Variants in DNAAF4 observed in about 807,000 individuals in gnomAD.
DNAAF4 encodes dynein axonemal assembly factor 4.
Under a neutral mutation model 51.8 loss-of-function variants are expected in DNAAF4, and 43 were observed. The observed-to-expected ratio is 0.83, with a 90% CI of 0.65 to 1.07. DNAAF4 has a LOEUF of 1.07. Ranked by LOEUF, DNAAF4 falls within the 50% of genes least tolerant of loss-of-function variation. The pLI, the probability that DNAAF4 is intolerant of heterozygous loss-of-function variation, is 0.00. For missense variants in DNAAF4, 581 were observed against 493.0 expected (o/e 1.18, Z -1.69); for synonymous variants, 194 against 165.6 (o/e 1.17, Z -1.32).
intron 6 of DNAAF4, among the ~76,000 whole-genome samples, chr15:55,441,240 T>A (rs2057706889): frequency 6.8e-6 from 1 of 147,794 alleles, no homozygotes; most frequent in Non-Finnish European, 1.5e-5. Context: ...CCCGGCCAGT[T>A]TTTGTATTTT....
downstream of DNAAF4, among the ~76,000 whole-genome samples, chr15:55,428,779 G>C (rs1457838767): frequency 1.3e-5 from 2 of 151,570 alleles, no homozygotes; most frequent in African/African-American, 2.4e-5. Flanking sequence ...ACAGGCTTGA[G>C]CCACTGCGCC....
At chr15:55,429,860 A>G (rs1344427552), downstream of DNAAF4, among the ~76,000 whole-genome samples, 1 of 151,992 alleles carries the variant, frequency 6.6e-6, no homozygotes, top group East Asian at 1.9e-4. Flanking sequence ...TTAGAGAATT[A>G]CAGTAACTAC....
intron 8 of DNAAF4, 120 bp downstream of exon 8, chr15:55,434,785 G>A (rs2057581434): frequency 1.9e-5 from 17 of 914,990 alleles, no homozygotes; most frequent in South Asian, 1.5e-4. Flanking sequence ...CAATAAGAAA[G>A]ACAATCTTTA....
At chr15:55,467,544 TACACACACACAC>T (rs59329424) in intron 4 of DNAAF4, among the ~76,000 whole-genome samples, 1 of 150,186 alleles carries the variant, frequency 6.7e-6, no homozygotes, top group African/African-American at 2.4e-5. Context: ...TCTCAAAATC[TACACACACACAC>T]ACACACACAC....
intron 5 of DNAAF4, among the ~76,000 whole-genome samples, chr15:55,464,225 T>C (rs1014986902): frequency 1.3e-5 from 2 of 152,102 alleles, no homozygotes; most frequent in African/African-American, 4.8e-5. Flanking sequence ...ATTCAACAAA[T>C]GGTGCTGGGA....
chr15:55,422,907 G>A (rs948655803), intron 7 of DNAAF4, among the ~76,000 whole-genome samples: 2 of 152,058 alleles, frequency 1.3e-5, no homozygotes, highest in East Asian at 1.9e-4. Flanking sequence ...TGAGGCAGGA[G>A]AATCGCTTGA....
rs760617628 is a variant in DNAAF4 at position 55,492,353 on chromosome 15, G to A, written c.272-1097C>T. Among the ~76,000 whole-genome samples the A allele has an allele frequency of 2.0e-5, 3 of 151,718 alleles. No individual in the cohort carries two copies. In the East Asian group the frequency reaches 5.8e-4, roughly 29 times the overall value. The stretch of plus-strand genomic sequence containing the variant: ...AGTAGGGGAGAGTAGATAAGGGGTG[G>A]GTAGAGGGATGAATCATACCCCAGG... On this transcript the variant is annotated intron_variant, in intron 3 of 9. Coordinates refer to ENST00000321149, the MANE Select transcript of DNAAF4 (RefSeq NM_130810.4).
At chr15:55,437,908 G>C (rs1320398964) in intron 7 of DNAAF4, among the ~76,000 whole-genome samples, 1 of 152,144 alleles carries the variant, frequency 6.6e-6, no homozygotes, top group Non-Finnish European at 1.5e-5. Context: ...AATTTGTGTT[G>C]TTTTAAGCCA....
intron 7 of DNAAF4, among the ~76,000 whole-genome samples, chr15:55,419,246 A>T (rs567827642): frequency 2.0e-5 from 3 of 151,574 alleles, no homozygotes; most frequent in Admixed American, 6.6e-5. Flanking sequence ...TTTTGGAGAA[A>T]TGGTTTCACC....
At chr15:55,428,651 C>A (rs1162571926), downstream of DNAAF4, among the ~76,000 whole-genome samples, 1 of 151,278 alleles carries the variant, frequency 6.6e-6, no homozygotes, top group Non-Finnish European at 1.5e-5. Flanking sequence ...CCTGCCACCA[C>A]GCCTGGCTAA....
intron 5 of DNAAF4, among the ~76,000 whole-genome samples, chr15:55,459,888 G>A (rs1007739349): frequency 2.0e-5 from 3 of 151,912 alleles, no homozygotes; most frequent in Non-Finnish European, 2.9e-5. Context: ...ATTTTTAGTA[G>A]AGACAGAGTT....
At chr15:55,487,066 CT>C (rs2058500261) in intron 4 of DNAAF4, among the ~76,000 whole-genome samples, 1 of 152,144 alleles carries the variant, frequency 6.6e-6, no homozygotes, top group African/African-American at 2.4e-5. Context: ...TCTCTATAAC[CT>C]TTGAGAAATT....
At chr15:55,484,798 C>A (rs1182771386) in intron 4 of DNAAF4, among the ~76,000 whole-genome samples, 1 of 152,066 alleles carries the variant, frequency 6.6e-6, no homozygotes, top group Admixed American at 6.6e-5. Context: ...CAGGAAACAC[C>A]CAGCACGAGC....
chr15:55,503,908 A>G (rs1306339615), intron 1 of DNAAF4, among the ~76,000 whole-genome samples: 1 of 152,152 alleles, frequency 6.6e-6, no homozygotes, highest in Non-Finnish European at 1.5e-5. Context: ...CAATATAGTA[A>G]TGGAAGTTCT....
chr15:55,443,145 G>A (rs1041788224), intron 6 of DNAAF4: 18 of 1,610,466 alleles, frequency 1.1e-5, no homozygotes, highest in South Asian at 3.3e-5. Flanking sequence ...TCCAGGAGCC[G>A]TCTTCACATT....
chr15:55,437,061 C>T (rs577371794), intron 7 of DNAAF4, among the ~76,000 whole-genome samples: 4 of 152,246 alleles, frequency 2.6e-5, no homozygotes, highest in African/African-American at 9.6e-5. Context: ...AGGTGATCCG[C>T]CCGCCTCAGC....
chr15:55,462,545 T>G (rs997070363), intron 5 of DNAAF4, among the ~76,000 whole-genome samples: 1 of 151,074 alleles, frequency 6.6e-6, no homozygotes, highest in Non-Finnish European at 1.5e-5. Context: ...CTATTAAAAC[T>G]ATTTCAAAAG....
At position 55,469,852 on chromosome 15, in the gene DNAAF4, C is replaced by T. The variant is rs115537483; in HGVS notation, c.406-2691G>A. On this transcript the variant is annotated intron_variant, in intron 4 of 9. Transcript: ENST00000321149. Reference sequence around the variant, plus strand: ...CTAATTCAGTTCTGTCATTATCTACCCGGAGTTAGCATTAGATCCCACAGG... The same window carrying T: ...CTAATTCAGTTCTGTCATTATCTACTCGGAGTTAGCATTAGATCCCACAGG... Among the ~76,000 whole-genome samples, 979 of 151,916 alleles carry T rather than the reference C, an allele frequency of 6.4e-3. 19 individuals are homozygous for T. Among genetic ancestry groups the T allele is most frequent in the African/African-American group, 0.023 (944 of 41,436 alleles).
At chr15:55,503,516 A>G (rs1469273652) in intron 1 of DNAAF4, among the ~76,000 whole-genome samples, 1 of 152,192 alleles carries the variant, frequency 6.6e-6, no homozygotes, top group Non-Finnish European at 1.5e-5. Context: ...ATCGATGCAA[A>G]AATCCTCAAT....
Sources: gnomAD v4.1 joint callset for allele counts (sites outside exome capture counted in the v4.1 genomes callset) on GRCh38, gnomAD v4.1.1 for gene constraint, MANE v1.5 for transcripts, NCBI Gene and HGNC (gene_info 2026-07-23, HGNC 2026-07-21) for gene names.